Variants in SPECC1 observed in about 807,000 individuals in gnomAD.
The protein encoded by SPECC1 is sperm antigen with calponin homology and coiled-coil domains 1.
A neutral mutation model predicts 104.1 loss-of-function variants in SPECC1; 62 were observed. The ratio of observed to expected loss-of-function variants is 0.60; its 90% CI spans 0.49 to 0.74. The LOEUF (loss-of-function observed/expected upper bound fraction) is 0.74, where lower values mean the gene tolerates loss of function less well. Ranked by LOEUF, SPECC1 falls within the 30% of genes least tolerant of loss-of-function variation. The pLI, the probability that SPECC1 is intolerant of heterozygous loss-of-function variation, is 0.00. For synonymous variants in SPECC1, 513 were observed against 501.6 expected (o/e 1.02, Z -0.30); for missense variants, 1,306 against 1,310.5 (o/e 1.00, Z 0.05).
At chr17:20,076,926 C>T (rs2046783184) in intron 1 of SPECC1, among the ~76,000 whole-genome samples, 1 of 152,158 alleles carries the variant, frequency 6.6e-6, no homozygotes, top group Non-Finnish European at 1.5e-5. Flanking sequence ...TTTTGCATTT[C>T]TTTTAATACA....
chr17:20,107,843 CA>C (rs1347070170), intron 2 of SPECC1, among the ~76,000 whole-genome samples: 2 of 151,886 alleles, frequency 1.3e-5, no homozygotes, highest in Non-Finnish European at 2.9e-5. Context: ...CCCACCTCTA[CA>C]AAAATATTTT....
intron 13 of SPECC1, among the ~76,000 whole-genome samples, chr17:20,302,040 G>A (rs2041604089): frequency 6.6e-6 from 1 of 152,198 alleles, no homozygotes; most frequent in African/African-American, 2.4e-5. Context: ...TAAAAAGATA[G>A]GGCATTCACT....
At chr17:20,204,291 G>A in intron 3 of SPECC1, 42 bp from the exon 4 acceptor site, 7 of 1,570,668 alleles carry the variant, frequency 4.5e-6, no homozygotes, top group Non-Finnish European at 6.0e-6. Flanking sequence ...TTATAAGAAT[G>A]CTTGCTTTAT....
In SPECC1 at chr17:20,091,764, C is replaced by T. The variant is rs572949392; in HGVS notation, c.-21-4867C>T. Among the ~76,000 whole-genome samples the T allele has an allele frequency of 4.4e-4, 67 of 152,280 alleles. 3 individuals are homozygous for T. In the South Asian group the frequency reaches 0.011, roughly 25 times the overall value. On this transcript the variant is annotated intron_variant, in intron 1 of 14. Transcript: ENST00000395527. ...CAGACTTGAATGGTTTGGCCTCTTC[C>T]GCTTCCCAGTGCTTATTGTGCTTGT...
At chr17:20,285,957 G>A (rs1315850704) in intron 12 of SPECC1, among the ~76,000 whole-genome samples, 1 of 152,086 alleles carries the variant, frequency 6.6e-6, no homozygotes, top group Non-Finnish European at 1.5e-5. Context: ...GGGATTATAG[G>A]CATGCACTAT....
chr17:20,016,221 A>G (rs937062457), intron 1 of SPECC1, among the ~76,000 whole-genome samples: 2 of 150,556 alleles, frequency 1.3e-5, no homozygotes, highest in Admixed American at 1.3e-4. Flanking sequence ...CCATCTCAAA[A>G]AAAAAAAAAA....
chr17:20,180,867 A>AT (rs2151225948), intron 3 of SPECC1, among the ~76,000 whole-genome samples: 1 of 152,226 alleles, frequency 6.6e-6, no homozygotes, highest in East Asian at 1.9e-4. Flanking sequence ...GGGAATGTAC[A>AT]TTTTCCCCTA....
At chr17:20,305,915 C>T (rs2142153266) in intron 13 of SPECC1, 108 bp from the exon 14 acceptor site, 1 of 987,478 alleles carries the variant, frequency 1.0e-6, no homozygotes, top group Non-Finnish European at 1.5e-6. Flanking sequence ...CTATTCTTCG[C>T]TTTATAATAG....
intron 2 of SPECC1, among the ~76,000 whole-genome samples, chr17:20,099,706 AAAAAAAAAAAAAAAC>A (rs1305746986): frequency 1.3e-5 from 2 of 148,276 alleles, no homozygotes; most frequent in Non-Finnish European, 3.0e-5. Flanking sequence ...AAAAAAAAAA[AAAAAAAAAAAAAAAC>A]CCACAAAATA....
At chr17:20,292,036 C>T (rs185300761) in intron 12 of SPECC1, among the ~76,000 whole-genome samples, 11 of 151,744 alleles carry the variant, frequency 7.2e-5, no homozygotes, top group African/African-American at 2.4e-4. Flanking sequence ...AACGTCAAAA[C>T]GGGTTTCTGG....
chr17:20,016,846 G>A (rs906309857), intron 1 of SPECC1, among the ~76,000 whole-genome samples: 3 of 152,254 alleles, frequency 2.0e-5, no homozygotes, highest in Non-Finnish European at 4.4e-5. Context: ...CTCCACCTGT[G>A]GCACTGATGC....
intron 1 of SPECC1, among the ~76,000 whole-genome samples, chr17:20,013,280 G>C (rs8080190): frequency 0.069 from 10,504 of 152,208 alleles, 981 homozygotes; most frequent in African/African-American, 0.21. Context: ...ACCCAGCATA[G>C]TGTTTTCCGC....
At chr17:20,192,161 G>C (rs1248159625) in intron 3 of SPECC1, among the ~76,000 whole-genome samples, 1 of 151,680 alleles carries the variant, frequency 6.6e-6, no homozygotes, top group East Asian at 1.9e-4. Flanking sequence ...TTGAGACAGG[G>C]GTCTCAAGGC....
intron 13 of SPECC1, among the ~76,000 whole-genome samples, chr17:20,300,851 G>A (rs2041554438): frequency 1.3e-5 from 2 of 152,232 alleles, no homozygotes; most frequent in Admixed American, 6.5e-5. Context: ...AAGACTGTGG[G>A]TCTGTGATGA....
intron 1 of SPECC1, among the ~76,000 whole-genome samples, chr17:20,023,044 A>C (rs964783517): frequency 1.3e-5 from 2 of 152,152 alleles, no homozygotes; most frequent in Non-Finnish European, 2.9e-5. Flanking sequence ...CCAAAAAACT[A>C]TGGTTTAGTG....
chr17:20,036,525 A>G lies in SPECC1; in HGVS notation c.-22+27101A>G, dbSNP rs528157941. The stretch of plus-strand genomic sequence containing the variant: ...TAATATACGTTGTGCTAATTAACGT[A>G]TGCATTACTTCACATAGTTATCATT... On this transcript the variant is annotated intron_variant, in intron 1 of 14. Coordinates refer to ENST00000395527, the MANE Select transcript of SPECC1 (RefSeq NM_001243439.2). Among the ~76,000 whole-genome samples the G allele has an allele frequency of 2.3e-4, 35 of 152,366 alleles. 3 individuals carry two copies. In the South Asian group the frequency reaches 7.0e-3, roughly 31 times the overall value.
intron 12 of SPECC1, among the ~76,000 whole-genome samples, chr17:20,285,598 GT>G (rs1190130566): frequency 6.6e-6 from 1 of 152,070 alleles, no homozygotes; most frequent in Non-Finnish European, 1.5e-5. Flanking sequence ...ATTTCCCTGG[GT>G]AAAAATAATC....
At chr17:20,112,933 G>C in intron 3 of SPECC1, 2 of 1,483,428 alleles carry the variant, frequency 1.3e-6, no homozygotes, top group Non-Finnish European at 1.9e-6. Flanking sequence ...CCAACATGAA[G>C]GGAGCTAGAT....
chr17:20,070,667 A>G lies in SPECC1; in HGVS notation c.-21-25964A>G, dbSNP rs1033933705. On this transcript the variant is annotated intron_variant, in intron 1 of 14. Transcript: ENST00000395527. Reference sequence around the variant, plus strand: ...CTTTTCTTGCCATTGTTGTTGTTATAATCAAGGATAAGCTCATCACTGTTG... The same window carrying G: ...CTTTTCTTGCCATTGTTGTTGTTATGATCAAGGATAAGCTCATCACTGTTG... Among the ~76,000 whole-genome samples, 3 of 152,174 alleles carry G rather than the reference A, an allele frequency of 2.0e-5. No individual in the cohort carries two copies. The South Asian group carries it at 6.2e-4, about 32-fold the overall frequency.
Sources: allele counts gnomAD v4.1 joint callset (sites outside exome capture counted in the v4.1 genomes callset), GRCh38; gene constraint gnomAD v4.1.1; transcripts MANE v1.5; gene names NCBI Gene and HGNC (gene_info 2026-07-23, HGNC 2026-07-21).